PAK5: variants seen among roughly 807,000 people sequenced by gnomAD.
PAK5 encodes p21 (RAC1) activated kinase 5.
A neutral mutation model predicts 65.9 loss-of-function variants in PAK5; 16 were observed. That is an observed-to-expected ratio of 0.24 (90% CI 0.16 to 0.37). The LOEUF is 0.37. Ranked by LOEUF, PAK5 falls within the 10% of genes least tolerant of loss-of-function variation. PAK5 has a pLI of 1.00. For missense variants in PAK5, 785 were observed against 903.9 expected (o/e 0.87, Z 1.69); for synonymous variants, 371 against 354.9 (o/e 1.05, Z -0.51).
intron 3 of PAK5, among the ~76,000 whole-genome samples, chr20:9,627,610 AT>A: frequency 6.6e-6 from 1 of 151,994 alleles, no homozygotes. Context: ...TTTCCATTCA[AT>A]GTTTTTTCTT....
At chr20:9,817,783 T>C (rs565474961) in intron 1 of PAK5, among the ~76,000 whole-genome samples, 10 of 152,296 alleles carry the variant, frequency 6.6e-5, no homozygotes, top group Admixed American at 5.2e-4. Flanking sequence ...TCCAATCTCT[T>C]ACCCATTACA....
At chr20:9,541,987 T>A (rs547780709) in intron 9 of PAK5, among the ~76,000 whole-genome samples, 1 of 152,352 alleles carries the variant, frequency 6.6e-6, no homozygotes, top group Non-Finnish European at 1.5e-5. Flanking sequence ...TGTGGAACTG[T>A]GAGTTAATTA....
chr20:9,618,403 C>CTTTT (rs58376139), intron 3 of PAK5, among the ~76,000 whole-genome samples: 8 of 129,780 alleles, frequency 6.2e-5, no homozygotes, highest in South Asian at 2.4e-4. Context: ...CGGCCTGGAA[C>CTTTT]TTTTTTTTTT....
chr20:9,785,971 A>T (rs2048988600), intron 1 of PAK5, among the ~76,000 whole-genome samples: 1 of 151,982 alleles, frequency 6.6e-6, no homozygotes, highest in Non-Finnish European at 1.5e-5. Flanking sequence ...AACCAATCAG[A>T]GGCACTGCTC....
intron 2 of PAK5, among the ~76,000 whole-genome samples, chr20:9,697,716 C>T (rs1041270051): frequency 6.6e-6 from 1 of 152,070 alleles, no homozygotes; most frequent in Admixed American, 6.6e-5. Flanking sequence ...TTCCCCATAC[C>T]TTTATTAGTC....
intron 3 of PAK5, among the ~76,000 whole-genome samples, chr20:9,592,016 ACTGTT>A (rs2046180739): frequency 6.6e-6 from 1 of 152,198 alleles, no homozygotes; most frequent in Admixed American, 6.5e-5. Flanking sequence ...TCAGAAATTG[ACTGTT>A]CTTAGATGCC....
At chr20:9,695,887 C>T (rs182019131) in intron 2 of PAK5, among the ~76,000 whole-genome samples, 40 of 152,060 alleles carry the variant, frequency 2.6e-4, no homozygotes, top group Admixed American at 2.6e-3. Context: ...TTTAGAAAAG[C>T]TCCATAGACC....
intron 3 of PAK5, among the ~76,000 whole-genome samples, chr20:9,609,252 C>T (rs1258413582): frequency 6.6e-6 from 1 of 152,148 alleles, no homozygotes; most frequent in Non-Finnish European, 1.5e-5. Flanking sequence ...GATGAGTTGG[C>T]TTTCAGGTAG....
intron 2 of PAK5, among the ~76,000 whole-genome samples, chr20:9,672,507 C>T (rs1374732122): frequency 6.6e-6 from 1 of 151,528 alleles, no homozygotes; most frequent in Non-Finnish European, 1.5e-5. Context: ...CTCACAAGAT[C>T]TCATGGTTTT....
At chr20:9,571,643 G>A (rs748173286) in intron 4 of PAK5, among the ~76,000 whole-genome samples, 5 of 152,106 alleles carry the variant, frequency 3.3e-5, no homozygotes, top group Non-Finnish European at 7.4e-5. Context: ...TACATGCCAG[G>A]GACTGTTCTA....
chr20:9,562,149 C>G (rs539201048), intron 6 of PAK5, among the ~76,000 whole-genome samples: 24 of 152,282 alleles, frequency 1.6e-4, no homozygotes, highest in Admixed American at 1.2e-3. Flanking sequence ...TTTATTGACT[C>G]TTTCTGAGAG....
chr20:9,550,321 AC>A (rs1276500142), intron 7 of PAK5, among the ~76,000 whole-genome samples: 1 of 152,180 alleles, frequency 6.6e-6, no homozygotes, highest in African/African-American at 2.4e-5. Context: ...CAGCCCAGCC[AC>A]CAGTAGGACC....
chr20:9,612,640 C>G (rs955331651), intron 3 of PAK5, among the ~76,000 whole-genome samples: 1 of 152,032 alleles, frequency 6.6e-6, no homozygotes, highest in African/African-American at 2.4e-5. Context: ...TCCACCCCCC[C>G]GATCCAATCA....
intron 1 of PAK5, among the ~76,000 whole-genome samples, chr20:9,731,678 G>A (rs2048336326): frequency 6.6e-6 from 1 of 152,102 alleles, no homozygotes; most frequent in Admixed American, 6.5e-5. Context: ...AACTAGTTGG[G>A]GTTTTATTTT....
At chr20:9,712,115 G>C (rs2048084553) in intron 1 of PAK5, among the ~76,000 whole-genome samples, 1 of 152,126 alleles carries the variant, frequency 6.6e-6, no homozygotes, top group Non-Finnish European at 1.5e-5. Context: ...AGGAACATGA[G>C]ACAGCATGTC....
chr20:9,809,085 A>G (rs2049266982), intron 1 of PAK5, among the ~76,000 whole-genome samples: 1 of 152,090 alleles, frequency 6.6e-6, no homozygotes, highest in Non-Finnish European at 1.5e-5. Context: ...TTTAGATGCT[A>G]CTTCTGGAAG....
At chr20:9,695,456 C>T (rs2047855582) in intron 2 of PAK5, among the ~76,000 whole-genome samples, 1 of 151,964 alleles carries the variant, frequency 6.6e-6, no homozygotes, top group Non-Finnish European at 1.5e-5. Context: ...ATACATTATC[C>T]TGCTTTTAGA....
chr20:9,617,000 T>C (rs143209044), intron 3 of PAK5, among the ~76,000 whole-genome samples: 2 of 152,350 alleles, frequency 1.3e-5, no homozygotes, highest in African/African-American at 2.4e-5. Flanking sequence ...TTGTGTGTGA[T>C]TCAGACAGAA....
intron 1 of PAK5, among the ~76,000 whole-genome samples, chr20:9,743,147 C>T (rs2423459): frequency 0.23 from 34,505 of 151,982 alleles, 4,240 homozygotes; most frequent in East Asian, 0.31. Flanking sequence ...GCAGGAGGAT[C>T]GCTTGAGCCC....
Sources: allele counts gnomAD v4.1 joint callset (sites outside exome capture counted in the v4.1 genomes callset), GRCh38; gene constraint gnomAD v4.1.1; transcripts MANE v1.5; gene names NCBI Gene and HGNC (gene_info 2026-07-23, HGNC 2026-07-21).